Variants in VRK2 observed in about 807,000 individuals in gnomAD.
The protein encoded by VRK2 is VRK serine/threonine kinase 2, also known as serine/threonine-protein kinase VRK2.
A neutral mutation model predicts 57.6 loss-of-function variants in VRK2; 60 were observed. The ratio of observed to expected loss-of-function variants is 1.04; its 90% CI spans 0.85 to 1.29. The LOEUF is 1.29. Among genes scored for constraint, VRK2 ranks in the 50% most tolerant of loss-of-function variants. VRK2 has a pLI of 0.00. For missense variants in VRK2, 705 were observed against 588.1 expected (o/e 1.20, Z -2.06); for synonymous variants, 231 against 199.2 (o/e 1.16, Z -1.35).
intron 2 of VRK2, among the ~76,000 whole-genome samples, chr2:58,060,812 A>G (rs1301173055): frequency 1.3e-5 from 2 of 151,864 alleles, no homozygotes; most frequent in African/African-American, 4.8e-5. Flanking sequence ...AGGGAGGTCA[A>G]CTACTTCAGC....
Position 57,969,957 on chromosome 2 carries a change from GT to G in VRK2, c.-438-55705del, listed in dbSNP as rs200081586. Among the ~76,000 whole-genome samples, 1,124 of 151,778 alleles carry G rather than the reference GT, an allele frequency of 7.4e-3. 19 individuals carry two copies. Among genetic ancestry groups the G allele is most frequent in the African/African-American group, 0.025 (1,024 of 41,412 alleles). ...TTGGTATGGACGTGTTTCAGTTTCA[GT>G]TTCCCCCCCGTAACCTATTTTTTTC... On this transcript the variant is annotated intron_variant, in intron 1 of 15. Transcript: ENST00000417641.
At chr2:57,922,457 TG>T (rs1279369324) in intron 1 of VRK2, among the ~76,000 whole-genome samples, 36 of 87,566 alleles carry the variant, frequency 4.1e-4, no homozygotes, top group Middle Eastern at 4.7e-3. Flanking sequence ...TACCTTCTTG[TG>T]TGTGTGTGTG....
At chr2:58,125,701 A>G (rs975017084) in intron 8 of VRK2, among the ~76,000 whole-genome samples, 1 of 152,148 alleles carries the variant, frequency 6.6e-6, no homozygotes, top group Non-Finnish European at 1.5e-5. Context: ...TGATATATAT[A>G]TATGTAGATA....
At chr2:57,957,765 T>C (rs919058781) in intron 1 of VRK2, among the ~76,000 whole-genome samples, 4 of 151,850 alleles carry the variant, frequency 2.6e-5, no homozygotes, top group Non-Finnish European at 4.4e-5. Flanking sequence ...CAGTTCCAAA[T>C]TGTGTATGCC....
chr2:58,034,923 A>T (rs1480979762), intron 3 of VRK2, among the ~76,000 whole-genome samples: 1 of 152,016 alleles, frequency 6.6e-6, no homozygotes, highest in Non-Finnish European at 1.5e-5. Context: ...ACTTGCAAAC[A>T]TATGATATAG....
chr2:58,057,414 T>C lies in VRK2; in HGVS notation c.136+8447T>C, dbSNP rs138696609. On this transcript the variant is annotated intron_variant, in intron 2 of 12. Transcript: ENST00000340157. ...AGCTGTGTACTTAATCCATAGATTGTAGAATTTATTGTGAAGAGTCTACTC... is the reference window on the plus strand; with the variant it reads ...AGCTGTGTACTTAATCCATAGATTGCAGAATTTATTGTGAAGAGTCTACTC... Among the ~76,000 whole-genome samples, 96 of 152,306 alleles carry C rather than the reference T, an allele frequency of 6.3e-4. 2 individuals carry two copies. The East Asian group carries it at 0.013, about 21-fold the overall frequency.
chr2:58,005,405 T>C (rs759757622), intron 1 of VRK2, among the ~76,000 whole-genome samples: 9 of 152,138 alleles, frequency 5.9e-5, no homozygotes, highest in Non-Finnish European at 1.0e-4. Flanking sequence ...TAGCACTTTT[T>C]CAGATATCTC....
intron 7 of VRK2, among the ~76,000 whole-genome samples, chr2:58,091,629 T>C (rs548191024): frequency 2.0e-4 from 30 of 151,696 alleles, no homozygotes; most frequent in Non-Finnish European, 3.4e-4. Context: ...TTTTTCAAAA[T>C]GAAAGGTGAA....
At chr2:57,994,554 A>G (rs1234173366) in intron 1 of VRK2, among the ~76,000 whole-genome samples, 1 of 152,210 alleles carries the variant, frequency 6.6e-6, no homozygotes, top group Non-Finnish European at 1.5e-5. Context: ...ATCGAGAAAC[A>G]AAAACTCAGC....
chr2:58,017,976 G>C (rs929855331), intron 1 of VRK2: 3 of 152,074 alleles, frequency 2.0e-5, no homozygotes, highest in Non-Finnish European at 2.9e-5. Context: ...TTGAATATTA[G>C]AAAATATATT....
chr2:58,005,302 GA>G (rs1294603475), intron 1 of VRK2, among the ~76,000 whole-genome samples: 3 of 152,062 alleles, frequency 2.0e-5, no homozygotes, highest in African/African-American at 4.8e-5. Flanking sequence ...TAAAAATGTA[GA>G]ATCTTCTGTG....
intron 1 of VRK2, among the ~76,000 whole-genome samples, chr2:57,917,846 T>G (rs569597907): frequency 1.3e-5 from 2 of 152,132 alleles, no homozygotes; most frequent in East Asian, 1.9e-4. Flanking sequence ...AAAGTTTTCT[T>G]TATAAAGAGA....
At chr2:58,139,233 T>A (rs1680972145) in intron 10 of VRK2, among the ~76,000 whole-genome samples, 1 of 152,154 alleles carries the variant, frequency 6.6e-6, no homozygotes, top group African/African-American at 2.4e-5. Context: ...AATTAAAATT[T>A]GCAGTTTTTT....
intron 2 of VRK2, among the ~76,000 whole-genome samples, chr2:58,031,444 C>T (rs1002917283): frequency 6.6e-6 from 1 of 151,934 alleles, no homozygotes; most frequent in Non-Finnish European, 1.5e-5. Flanking sequence ...GACTGTTAAT[C>T]TCCTCCTTTC....
At chr2:58,115,826 T>G (rs527699153) in intron 7 of VRK2, among the ~76,000 whole-genome samples, 53 of 152,280 alleles carry the variant, frequency 3.5e-4, no homozygotes, top group African/African-American at 1.3e-3. Flanking sequence ...GAGCCTAATG[T>G]GTGTCAGGGT....
rs1421732401 is a variant in VRK2, at chr2:58,086,270, T to C, written c.257-69T>C. 2.2e-6 allele frequency: 3 copies of C among 1,353,642 alleles called. No individual in the cohort carries two copies. In the African/African-American group the frequency reaches 4.5e-5, roughly 20 times the overall value. 83.9% of individuals were successfully genotyped at this position (1,353,642 alleles called of 1,614,324 possible). On this transcript the variant is annotated intron_variant, in intron 4 of 12. Coordinates refer to ENST00000340157, the MANE Select transcript of VRK2 (RefSeq NM_006296.7). ...TTTTTTGGTTAGCTAAATAAATTTGTCTGTAGAAAGGTGACAAGTATCTTT... is the reference window on the plus strand; with the variant it reads ...TTTTTTGGTTAGCTAAATAAATTTGCCTGTAGAAAGGTGACAAGTATCTTT...
At chr2:57,973,594 A>G (rs1672159902) in intron 1 of VRK2, among the ~76,000 whole-genome samples, 1 of 151,856 alleles carries the variant, frequency 6.6e-6, no homozygotes, top group Non-Finnish European at 1.5e-5. Flanking sequence ...GAGCTACAAA[A>G]TAATAATTAT....
At chr2:58,063,593 CT>C (rs1219905956) in intron 2 of VRK2, among the ~76,000 whole-genome samples, 2 of 152,018 alleles carry the variant, frequency 1.3e-5, no homozygotes, top group East Asian at 3.9e-4. Context: ...AACATTACTG[CT>C]TGTTGACAAT....
chr2:57,923,342 A>G (rs1031727122), intron 1 of VRK2, among the ~76,000 whole-genome samples: 1 of 152,040 alleles, frequency 6.6e-6, no homozygotes, highest in Non-Finnish European at 1.5e-5. Context: ...TTACACTCCC[A>G]CCAATACTGT....
Sources: allele counts gnomAD v4.1 joint callset (sites outside exome capture counted in the v4.1 genomes callset), GRCh38; gene constraint gnomAD v4.1.1; transcripts MANE v1.5; gene names NCBI Gene and HGNC (gene_info 2026-07-23, HGNC 2026-07-21).